Variants in SMURF2 observed in about 807,000 individuals in gnomAD.
The protein encoded by SMURF2 is E3 ubiquitin-protein ligase SMURF2.
In SMURF2, 48 loss-of-function variants were observed where a neutral mutation model predicts 109.6. The observed-to-expected ratio is 0.44, with a 90% CI of 0.35 to 0.56. The LOEUF (loss-of-function observed/expected upper bound fraction) is 0.56. SMURF2 is among the 20% of genes least tolerant of loss of function. The pLI is 0.01. For missense variants in SMURF2, 575 were observed against 909.0 expected, an observed-to-expected ratio of 0.63 and a Z score of 4.72; for synonymous variants, 288 against 317.1, an observed-to-expected ratio of 0.91 and a Z score of 0.97.
At chr17:64,566,286 CAATA>C (rs200573001) in intron 10 of SMURF2, among the ~76,000 whole-genome samples, 2,537 of 151,904 alleles carry the variant, frequency 0.017, 41 homozygotes, top group Middle Eastern at 0.068. Context: ...TTATGTATCT[CAATA>C]AATTGTTTCA....
rs1969605306 is a variant in SMURF2 at position 64,583,503 on chromosome 17, A to G, written c.527T>C (p.Leu176Pro). 6.2e-7 allele frequency: 1 copy of G among 1,613,962 alleles called. No individual in the cohort carries two copies. The highest frequency in any genetic ancestry group is 1.7e-5 in the Admixed American group (1 of 60,000). ...TTGCGTAGTTCTTGTTATATGGTTT[A>G]GATACTGGATTCTTCCAGAGGCGGT... ...RRTASGRIQY[L>P]NHITRTTQWE... Residue 176 changes from leucine to proline, a missense_variant, in exon 7 of 19, where the codon CTA (leucine) becomes CCA (proline). Leu to Pro is a moderately conservative substitution (Grantham distance 98). Transcript: ENST00000262435.
chr17:64,626,651 T>C (rs1431817403), intron 1 of SMURF2, among the ~76,000 whole-genome samples: 3 of 151,986 alleles, frequency 2.0e-5, no homozygotes, highest in African/African-American at 4.8e-5. Flanking sequence ...TAGTCCCAGA[T>C]ACTCAGGAGG....
At position 64,631,961 on chromosome 17, in the gene SMURF2, CGGGGGGGG is replaced by C. The variant is rs782202552; in HGVS notation, c.53-25329_53-25322del. Among the ~76,000 whole-genome samples, 7 of 9,954 alleles carry C rather than the reference CGGGGGGGG, an allele frequency of 7.0e-4. 1 individual carries two copies. The highest frequency in any genetic ancestry group is 1.0e-3 in the African/African-American group (4 of 3,984). The allele number at this position is 9,954 out of a possible 152,430, so 6.5% of individuals were successfully genotyped here. On this transcript the variant is annotated intron_variant, in intron 1 of 18. Coordinates refer to ENST00000262435, the MANE Select transcript of SMURF2 (RefSeq NM_022739.4). ...ATTATTCTAAGACTCTCTTTTTTTGCGGGGGGGGGGGGGGGGGGGTGGACAGAGGCACA... is the reference window on the plus strand; with the variant it reads ...ATTATTCTAAGACTCTCTTTTTTTGCGGGGGGGGGGGTGGACAGAGGCACA...
At position 64,580,802 on chromosome 17, in the gene SMURF2, T is replaced by A. The variant is rs201569150; in HGVS notation, c.759A>T (p.Leu253=). 1.2e-6 allele frequency: 2 copies of A among 1,614,122 alleles called. No individual in the cohort carries two copies. The highest frequency in any genetic ancestry group is 1.7e-6 in the Non-Finnish European group (2 of 1,179,960). The part of the protein sequence containing the change: ...SRTHLHTPPD[L]PEGYEQRTTQ... The stretch of plus-strand genomic sequence containing the variant: ...TAGTTGTCATACCATAGCCTTCTGG[T>A]AGGTCTGGAGGAGTATGTAAATGTG... The change falls in exon 8 of 19, where the codon CTA becomes CTT. Residue 253 remains leucine (L), a synonymous_variant. Transcript: ENST00000262435.
At position 64,567,853 on chromosome 17, in the gene SMURF2, C is replaced by CTTT. The variant is rs1173742917; in HGVS notation, c.1016+3942_1016+3944dup. 1.1e-4 allele frequency among the ~76,000 whole-genome samples: 12 copies of CTTT among 112,174 alleles called. 1 individual carries two copies. Among genetic ancestry groups the CTTT allele is most frequent in the African/African-American group, 3.5e-4 (9 of 26,002 alleles). The allele number at this position is 112,174 out of a possible 152,430, so 73.6% of individuals were successfully genotyped here. On this transcript the variant is annotated intron_variant, in intron 10 of 18. Coordinates refer to ENST00000262435, the MANE Select transcript of SMURF2 (RefSeq NM_022739.4). ...TACAGGCACCCGCCACCACACCTGGCTTTTTTTTTTTTTTTTTTTGAGACG... is the reference window on the plus strand; with the variant it reads ...TACAGGCACCCGCCACCACACCTGGCTTTTTTTTTTTTTTTTTTTTTTGAGACG...
chr17:64,584,361 CTTTTTTTTTT>C (rs372682588), intron 6 of SMURF2, among the ~76,000 whole-genome samples: 15 of 112,708 alleles, frequency 1.3e-4, no homozygotes, highest in South Asian at 9.0e-4. Context: ...CTTTTTTTTT[CTTTTTTTTTT>C]TTTTTTGAGA....
rs1969305868 is a variant in SMURF2, at chr17:64,566,561, G to GTTTGTTTT, written c.1017-3596_1017-3595insAAAACAAA. On this transcript the variant is annotated intron_variant, in intron 10 of 18. Coordinates refer to ENST00000262435, the MANE Select transcript of SMURF2 (RefSeq NM_022739.4). Reference sequence around the variant, plus strand: ...GATGTAGAAATGCTTAAGCTTTCTGGTTTTTTTTTTTTTTTTTTTTTTTTT... The same window carrying GTTTGTTTT: ...GATGTAGAAATGCTTAAGCTTTCTGGTTTGTTTTTTTTTTTTTTTTTTTTTTTTTTTTT... Among the ~76,000 whole-genome samples, 52 of 43,804 alleles carry GTTTGTTTT rather than the reference G, an allele frequency of 1.2e-3. 6 individuals carry two copies. Among genetic ancestry groups the GTTTGTTTT allele is most frequent in the African/African-American group, 3.5e-3 (47 of 13,312 alleles). 28.7% of individuals were successfully genotyped at this position (43,804 alleles called of 152,430 possible).
intron 2 of SMURF2, 81 bp downstream of exon 2, chr17:64,606,521 A>G: frequency 1.0e-6 from 1 of 985,334 alleles, no homozygotes; most frequent in Non-Finnish European, 1.5e-6. Flanking sequence ...GAATAGAGAA[A>G]CCCCTAAACC....
chr17:64,550,994 A>G (rs2144588634), intron 16 of SMURF2, among the ~76,000 whole-genome samples: 1 of 152,294 alleles, frequency 6.6e-6, no homozygotes, highest in African/African-American at 2.4e-5. Context: ...ATGTACATAT[A>G]AGTCACGAAA....
intron 6 of SMURF2, among the ~76,000 whole-genome samples, chr17:64,584,358 TTTC>T (rs1304116578): frequency 6.9e-6 from 1 of 144,306 alleles, no homozygotes; most frequent in Non-Finnish European, 1.5e-5. Flanking sequence ...TTTCTTTTTT[TTTC>T]TTTTTTTTTT....
intron 9 of SMURF2, among the ~76,000 whole-genome samples, chr17:64,574,609 T>G (rs1052917967): frequency 1.3e-5 from 2 of 152,218 alleles, no homozygotes; most frequent in Non-Finnish European, 2.9e-5. Flanking sequence ...AAAGGCATAT[T>G]TGCTAAAGGA....
At chr17:64,631,004 C>T (rs190176058) in intron 1 of SMURF2, among the ~76,000 whole-genome samples, 9 of 151,796 alleles carry the variant, frequency 5.9e-5, no homozygotes, top group African/African-American at 2.2e-4. Flanking sequence ...TGGGTTAGTG[C>T]ATAAATGAAA....
chr17:64,637,923 C>CAAAAAAAAAAAAAAAAAAAAAAA lies in SMURF2; in HGVS notation c.52+23905_52+23906insTTTTTTTTTTTTTTTTTTTTTTT, dbSNP rs59701513. 3.0e-3 allele frequency among the ~76,000 whole-genome samples: 219 copies of CAAAAAAAAAAAAAAAAAAAAAAA among 72,532 alleles called. 8 individuals carry two copies. Among genetic ancestry groups the CAAAAAAAAAAAAAAAAAAAAAAA allele is most frequent in the South Asian group, 9.7e-3 (20 of 2,054 alleles). The allele number at this position is 72,532 out of a possible 152,430, so 47.6% of individuals were successfully genotyped here. ...CATTGAATGGTTTTGGCGCCCTAGT[C>CAAAAAAAAAAAAAAAAAAAAAAA]AAAAAAAAAAAAAAAAAAAATCAAC... On this transcript the variant is annotated intron_variant, in intron 1 of 18. Transcript: ENST00000262435.
intron 1 of SMURF2, among the ~76,000 whole-genome samples, chr17:64,655,564 G>T (rs1970695522): frequency 6.6e-6 from 1 of 151,718 alleles, no homozygotes; most frequent in Admixed American, 6.6e-5. Context: ...CGGCCCCAAT[G>T]AAACTTCTTA....
intron 5 of SMURF2, among the ~76,000 whole-genome samples, chr17:64,590,183 C>T (rs1286274499): frequency 1.4e-5 from 2 of 145,774 alleles, no homozygotes; most frequent in South Asian, 2.1e-4. Context: ...GCTCTTGTCA[C>T]CCAGCTGGAG....
intron 12 of SMURF2, among the ~76,000 whole-genome samples, chr17:64,559,230 A>G (rs1452063828): frequency 6.6e-6 from 1 of 152,202 alleles, no homozygotes; most frequent in Non-Finnish European, 1.5e-5. Context: ...CTATGGAATA[A>G]AGTTCAGAAA....
At chr17:64,634,031 G>GT (rs1349625318) in intron 1 of SMURF2, among the ~76,000 whole-genome samples, 9 of 152,104 alleles carry the variant, frequency 5.9e-5, no homozygotes, top group Admixed American at 5.9e-4. Context: ...GTGCGCGCCT[G>GT]TAATCCCAGC....
intron 9 of SMURF2, among the ~76,000 whole-genome samples, chr17:64,573,568 A>T (rs1969446245): frequency 6.6e-6 from 1 of 152,100 alleles, no homozygotes; most frequent in Admixed American, 6.5e-5. Flanking sequence ...TGCTAGTCTC[A>T]AAAGAGGCAA....
In SMURF2 at chr17:64,546,337, A is replaced by T; in HGVS notation, c.2073T>A (p.Gly691=). Residue 691 remains glycine (G), a splice_region_variant and synonymous_variant, in exon 18 of 19, where the codon GGT becomes GGA. Transcript: ENST00000262435. ...VPLQGFKALQ[G]AAGPRLFTIH... is the part of the protein sequence containing the mutation. ...TGGTAAAGAGTCTCGGGCCTGCAGC[A>T]CCTGCAAATGAAGGAAATGTGGATG... The T allele has an allele frequency of 6.2e-7, 1 of 1,613,836 alleles. No homozygotes were observed.
Sources: gnomAD v4.1 joint callset for allele counts (sites outside exome capture counted in the v4.1 genomes callset) on GRCh38, gnomAD v4.1.1 for gene constraint, MANE v1.5 for transcripts, NCBI Gene and HGNC (gene_info 2026-07-23, HGNC 2026-07-21) for gene names.